SVEP1: variants seen among roughly 807,000 people sequenced by gnomAD.
SVEP1 encodes the protein sushi, von Willebrand factor type A, EGF and pentraxin domain-containing protein 1.
Under a neutral mutation model 367.3 loss-of-function variants are expected in SVEP1, and 164 were observed. The observed-to-expected ratio is 0.45, with a 90% CI of 0.39 to 0.51. The LOEUF is 0.51. Among genes scored for constraint, SVEP1 ranks in the 20% least tolerant of loss-of-function variants. The pLI is 0.00. For synonymous variants in SVEP1, 1,666 were observed against 1,611.6 expected (o/e 1.03, Z -0.81); for missense variants, 4,117 against 4,425.3 (o/e 0.93, Z 1.98).
chr9:110,381,773 T>G (rs1476389329), intron 43 of SVEP1, among the ~76,000 whole-genome samples: 1 of 151,882 alleles, frequency 6.6e-6, no homozygotes, highest in Non-Finnish European at 1.5e-5. Flanking sequence ...GATGATCTAA[T>G]ATTGACAGTG....
At chr9:110,473,290 C>A (rs893176876) in intron 14 of SVEP1, among the ~76,000 whole-genome samples, 2 of 152,004 alleles carry the variant, frequency 1.3e-5, no homozygotes, top group Admixed American at 1.3e-4. Context: ...CATTAAGTAG[C>A]TGTTATAAAA....
intron 6 of SVEP1, among the ~76,000 whole-genome samples, 165 bp from the exon 7 acceptor site, chr9:110,499,403 G>A (rs1054329991): frequency 2.0e-5 from 3 of 152,092 alleles, no homozygotes; most frequent in African/African-American, 7.2e-5. Context: ...TGTAAATAAT[G>A]CTAACCTATA....
intron 18 of SVEP1, among the ~76,000 whole-genome samples, chr9:110,460,115 T>C (rs1828834958): frequency 6.6e-6 from 1 of 152,170 alleles, no homozygotes; most frequent in Non-Finnish European, 1.5e-5. Flanking sequence ...TTATCGTTAG[T>C]ATTTTTATTG....
chr9:110,526,643 C>A (rs143660930), intron 3 of SVEP1, among the ~76,000 whole-genome samples: 1 of 152,044 alleles, frequency 6.6e-6, no homozygotes, highest in South Asian at 2.1e-4. Context: ...CAAAAATATG[C>A]AACTACTGTG....
At chr9:110,404,070 T>C (rs1827914318) in intron 39 of SVEP1, among the ~76,000 whole-genome samples, 1 of 152,154 alleles carries the variant, frequency 6.6e-6, no homozygotes, top group Non-Finnish European at 1.5e-5. Context: ...AGATTTGTGG[T>C]TAATTTGTTA....
Position 110,514,157 on chromosome 9 carries a change from T to C in SVEP1, c.965-51A>G, listed in dbSNP as rs770167606. ...CCATGTTATGTGGCACATCAGCTGG[T>C]AGTTAACAAAACATTTGAAATTAAT... is the stretch of plus-strand genomic sequence containing the variant. On this transcript the variant is annotated intron_variant, in intron 3 of 47. Coordinates refer to ENST00000374469, the MANE Select transcript of SVEP1 (RefSeq NM_153366.4). The C allele has an allele frequency of 2.3e-5, 37 of 1,576,614 alleles. No homozygotes were observed. In the South Asian group the frequency reaches 4.1e-4, roughly 17 times the overall value.
chr9:110,576,527 ATTATT>A (rs1275341949), intron 1 of SVEP1, among the ~76,000 whole-genome samples: 1 of 152,102 alleles, frequency 6.6e-6, no homozygotes, highest in African/African-American at 2.4e-5. Context: ...AGTTTTCCTG[ATTATT>A]TTATTTTCTG....
chr9:110,569,167 C>A (rs1023661855), intron 1 of SVEP1, among the ~76,000 whole-genome samples: 2 of 151,694 alleles, frequency 1.3e-5, no homozygotes, highest in African/African-American at 4.8e-5. Flanking sequence ...ACTGGTACAT[C>A]CTATCTGCTA....
chr9:110,471,986 C>T (rs568025334), intron 15 of SVEP1, among the ~76,000 whole-genome samples, 173 bp downstream of exon 15: 1 of 152,276 alleles, frequency 6.6e-6, no homozygotes, highest in Admixed American at 6.5e-5. Flanking sequence ...CTACAAAAGA[C>T]ATCTATGATA....
chr9:110,550,775 T>C (rs1306695012), intron 1 of SVEP1, among the ~76,000 whole-genome samples: 2 of 152,244 alleles, frequency 1.3e-5, no homozygotes, highest in Non-Finnish European at 2.9e-5. Context: ...AATCTGACAC[T>C]GGGACTTTAT....
intron 22 of SVEP1, among the ~76,000 whole-genome samples, chr9:110,452,343 A>C (rs1409999326): frequency 6.6e-6 from 1 of 152,190 alleles, no homozygotes; most frequent in South Asian, 2.1e-4. Flanking sequence ...CTTTTCTCAT[A>C]GTATGTGTCT....
Position 110,407,775 on chromosome 9 carries a change from T to C in SVEP1, c.7825A>G (p.Met2609Val), listed in dbSNP as rs137884598. 1 of 1,614,018 alleles carries C rather than the reference T, an allele frequency of 6.2e-7. No homozygotes were observed. The highest frequency in any genetic ancestry group is 1.3e-5 in the African/African-American group (1 of 75,058). Reference protein sequence around the residue: ...SGWSSSIPTCMPIDCGLPPHI... With the variant: ...SGWSSSIPTCVPIDCGLPPHI... ...GGAGGGAGGCCACAGTCTATTGGCA[T>C]ACATGTTGGGATGGAACTTGACCAT... Residue 2609 changes from methionine to valine, a missense_variant, in exon 38 of 48, where the codon ATG becomes GTG. This residue lies in a region of SVEP1 where 1,765 missense variants were observed against 1,781.1 expected (regional missense o/e 0.99). Transcript: ENST00000374469.
At chr9:110,456,108 A>G (rs1038094626) in intron 21 of SVEP1, among the ~76,000 whole-genome samples, 1 of 152,204 alleles carries the variant, frequency 6.6e-6, no homozygotes, top group African/African-American at 2.4e-5. Context: ...GGTGTCCCAG[A>G]GTGGCTGCAT....
chr9:110,570,970 C>CTTTTTTT (rs374900472), intron 1 of SVEP1, among the ~76,000 whole-genome samples: 3 of 114,924 alleles, frequency 2.6e-5, no homozygotes, highest in Non-Finnish European at 3.6e-5. Context: ...CAGATGGCTC[C>CTTTTTTT]TTTTTTTTTT....
chr9:110,443,253 T>C (rs939097376), intron 27 of SVEP1: 7 of 281,800 alleles, frequency 2.5e-5, no homozygotes, highest in Admixed American at 1.0e-4. Context: ...AAAATACCAG[T>C]AATTAATCTC....
At chr9:110,375,489 A>AAAAAAAC in intron 45 of SVEP1, 26 bp from the exon 46 acceptor site, 1 of 1,362,666 alleles carries the variant, frequency 7.3e-7, no homozygotes, top group Non-Finnish European at 1.0e-6. Flanking sequence ...AAAAAAAAAA[A>AAAAAAAC]AGGAGGCAGG....
intron 36 of SVEP1, among the ~76,000 whole-genome samples, chr9:110,423,168 T>TAAAAAAAAAAAAAAAAAAAAAA: frequency 9.6e-6 from 1 of 103,650 alleles, no homozygotes; most frequent in African/African-American, 3.5e-5. Flanking sequence ...AAAAATAAAG[T>TAAAAAAAAAAAAAAAAAAAAAA]AAAAAAAAAA....
At chr9:110,561,108 C>A (rs1830420820) in intron 1 of SVEP1, among the ~76,000 whole-genome samples, 1 of 152,098 alleles carries the variant, frequency 6.6e-6, no homozygotes, top group Non-Finnish European at 1.5e-5. Flanking sequence ...CTCCCCAACC[C>A]CACTTTTGCA....
At position 110,369,963 on chromosome 9, in the gene SVEP1, A is replaced by G; in HGVS notation, c.10654T>C (p.Cys3552Arg). The stretch of plus-strand genomic sequence containing the variant: ...CCCGTCCAAGAAGAAAGACAGTGAC[A>G]TCGGTTTGGTCTTACACATTTTCCA... ...NGGKCVRPNR[C>R]HCLSSWTGHN... The change falls in exon 47 of 48, where the codon TGT (cysteine) becomes CGT (arginine). Residue 3552 changes from cysteine to arginine, a missense_variant. Physicochemically the swap from Cys to Arg is radical, Grantham distance 180. Around this residue, in one of 4 missense-constraint regions of SVEP1, gnomAD observed 1,765 missense variants for 1,781.1 expected, o/e 0.99. Transcript: ENST00000374469. 6.2e-7 allele frequency: 1 copy of G among 1,613,428 alleles called. No homozygotes were observed. The highest frequency in any genetic ancestry group is 1.1e-5 in the South Asian group (1 of 91,018).
Sources: allele counts gnomAD v4.1 joint callset (sites outside exome capture counted in the v4.1 genomes callset), GRCh38; gene constraint gnomAD v4.1.1; regional missense constraint gnomAD v4.1.1; transcripts MANE v1.5; gene names NCBI Gene and HGNC (gene_info 2026-07-23, HGNC 2026-07-21).